TRPS1: variants seen among roughly 807,000 people sequenced by gnomAD.
TRPS1 encodes the protein transcriptional repressor GATA binding 1.
Under a neutral mutation model 101.2 loss-of-function variants are expected in TRPS1, and 6 were observed. That is an observed-to-expected ratio of 0.06 (90% CI 0.03 to 0.12). The LOEUF (loss-of-function observed/expected upper bound fraction) is 0.12. Among genes scored for constraint, TRPS1 ranks in the 10% least tolerant of loss-of-function variants. The probability of loss-of-function intolerance (pLI) is 1.00; values close to 1 mark genes in which losing one functional copy is unlikely to be tolerated. For missense variants in TRPS1, 1,363 were observed against 1,567.0 expected, an observed-to-expected ratio of 0.87 and a Z score of 2.20; for synonymous variants, 578 against 589.8, an observed-to-expected ratio of 0.98 and a Z score of 0.29.
intron 5 of TRPS1, among the ~76,000 whole-genome samples, chr8:115,522,696 T>C (rs1023942496): frequency 6.6e-6 from 1 of 152,130 alleles, no homozygotes; most frequent in African/African-American, 2.4e-5. Flanking sequence ...ATGTAAATTA[T>C]TTGCCACTAC....
rs372754711 is a variant in TRPS1, at chr8:115,604,535, G to A, written c.1434C>T (p.Gly478=). 6.1e-5 allele frequency: 99 copies of A among 1,613,906 alleles called. No individual in the cohort carries two copies. The highest frequency in any genetic ancestry group is 7.6e-5 in the Non-Finnish European group (90 of 1,179,994). ...YGKQHGAVQS[G]GLNPELNDKL... is the part of the protein sequence containing the mutation. ...TATCATTTAACTCTGGATTAAGGCCGCCTGACTGCACTGCTCCGTGCTGCT... is the reference window on the plus strand; with the variant it reads ...TATCATTTAACTCTGGATTAAGGCCACCTGACTGCACTGCTCCGTGCTGCT... The change falls in exon 4 of 7, where the codon GGC becomes GGT. Residue 478 remains glycine, a synonymous_variant. Transcript: ENST00000395715. This position sits in a 1 kb window ranked among gnomAD's most constrained non-coding sequence, Gnocchi z 4.1.
At chr8:115,459,684 G>A (rs1814117270) in intron 5 of TRPS1, among the ~76,000 whole-genome samples, 1 of 152,122 alleles carries the variant, frequency 6.6e-6, no homozygotes, top group East Asian at 1.9e-4. Context: ...GCTTAGGTGT[G>A]CAGAGTTCTC....
Position 115,427,770 on chromosome 8 carries a change from T to C in TRPS1, c.2701-9318A>G, listed in dbSNP as rs553202769. Among the ~76,000 whole-genome samples the C allele has an allele frequency of 6.9e-4, 98 of 141,882 alleles. No homozygotes were observed. The Middle Eastern group carries it at 0.015, about 22-fold the overall frequency. The allele number at this position is 141,882 out of a possible 152,430, so 93.1% of individuals were successfully genotyped here. A position where few individuals can be genotyped will look rare whatever the true frequency, so the allele number is the denominator to read the frequency against. On this transcript the variant is annotated intron_variant, in intron 5 of 6. Transcript: ENST00000395715. ...GAAATGAGTCATCCTTCATCAGATA[T>C]GGCAACGAGCTGTTTTGAGGTCGAC...
At chr8:115,645,706 A>G (rs1169374269) in intron 1 of TRPS1, among the ~76,000 whole-genome samples, 2 of 152,216 alleles carry the variant, frequency 1.3e-5, no homozygotes. Context: ...GTACTAATAC[A>G]AATATTTTTA....
intron 1 of TRPS1, among the ~76,000 whole-genome samples, chr8:115,624,016 C>T (rs1461444755): frequency 1.3e-5 from 2 of 151,938 alleles, no homozygotes; most frequent in African/African-American, 4.8e-5. Context: ...ATTATTTAAC[C>T]TCTAAAACCC....
chr8:115,445,785 A>C (rs1307218536), intron 5 of TRPS1, among the ~76,000 whole-genome samples: 1 of 152,210 alleles, frequency 6.6e-6, no homozygotes. Context: ...GCAACGAAAA[A>C]TTACTAAGGT....
Position 115,604,674 on chromosome 8 carries a change from G to T in TRPS1, c.1295C>A (p.Pro432His), listed in dbSNP as rs1279076470. 1 of 1,613,884 alleles carries T rather than the reference G, an allele frequency of 6.2e-7. No individual in the cohort carries two copies. The highest frequency in any genetic ancestry group is 1.1e-5 in the South Asian group (1 of 91,082). ...TPVGYSVPIK[P>H]LDSSRQNGTE... is the part of the protein sequence containing the mutation. ...ACCATTTTGTCTAGAGGAATCGAGG[G>T]GCTTTATGGGCACTGAGTACCCAAC... The change falls in exon 4 of 7, where the codon CCC becomes CAC. Residue 432 changes from proline (P) to histidine (H), a missense_variant. Transcript: ENST00000395715. The surrounding 1 kb of genome is among the most constrained non-coding windows in gnomAD (Gnocchi z 4.1).
chr8:115,544,294 T>A (rs941322115), intron 5 of TRPS1, among the ~76,000 whole-genome samples: 2 of 151,612 alleles, frequency 1.3e-5, no homozygotes, highest in Non-Finnish European at 2.9e-5. Context: ...ATAGTATCTA[T>A]CTCATAGCAT....
At chr8:115,590,604 G>C (rs1206676219) in intron 4 of TRPS1, among the ~76,000 whole-genome samples, 1 of 152,172 alleles carries the variant, frequency 6.6e-6, no homozygotes, top group African/African-American at 2.4e-5. Flanking sequence ...TCAAACGGTA[G>C]ACTCTCAGTT....
intron 1 of TRPS1, 58 bp downstream of exon 1, chr8:115,668,486 GC>G (rs978130306): frequency 6.9e-6 from 1 of 144,258 alleles, no homozygotes; most frequent in African/African-American, 2.5e-5. Flanking sequence ...GGGCGCCCGC[GC>G]CCCCCGCGCC....
At chr8:115,444,540 T>C (rs916430661) in intron 5 of TRPS1, among the ~76,000 whole-genome samples, 6 of 152,218 alleles carry the variant, frequency 3.9e-5, no homozygotes, top group African/African-American at 1.4e-4. Flanking sequence ...AGTTCTAACA[T>C]TTTCAAAGTA....
chr8:115,664,215 G>T (rs1811872206), intron 1 of TRPS1, among the ~76,000 whole-genome samples: 1 of 151,950 alleles, frequency 6.6e-6, no homozygotes, highest in Non-Finnish European at 1.5e-5. Context: ...TAATCCACTG[G>T]TTACAGCTTT....
intron 5 of TRPS1, among the ~76,000 whole-genome samples, chr8:115,572,246 AT>A (rs935266614): frequency 1.3e-5 from 2 of 151,912 alleles, no homozygotes; most frequent in Non-Finnish European, 2.9e-5. Context: ...GGCCTCACTC[AT>A]TTTTTTTAAC....
intron 5 of TRPS1, among the ~76,000 whole-genome samples, chr8:115,500,677 C>G (rs570560143): frequency 1.1e-4 from 16 of 152,282 alleles, no homozygotes; most frequent in Admixed American, 1.3e-4. Context: ...TCACGCCATT[C>G]TCTTGCCTCA....
intron 5 of TRPS1, among the ~76,000 whole-genome samples, chr8:115,577,269 A>C (rs1817340236): frequency 1.3e-5 from 2 of 152,108 alleles, no homozygotes; most frequent in Admixed American, 6.6e-5. Flanking sequence ...GTGTTTGTAC[A>C]TTTTTAGATT....
chr8:115,632,778 A>G (rs1818675892), intron 1 of TRPS1, among the ~76,000 whole-genome samples: 2 of 152,188 alleles, frequency 1.3e-5, no homozygotes, highest in Non-Finnish European at 2.9e-5. Context: ...AAAAACAAGT[A>G]GAACTATCTA....
chr8:115,556,644 T>C (rs1816827252), intron 5 of TRPS1, among the ~76,000 whole-genome samples: 1 of 152,180 alleles, frequency 6.6e-6, no homozygotes, highest in Non-Finnish European at 1.5e-5. Flanking sequence ...GGCCAAGTAG[T>C]GTATCCTACT....
chr8:115,644,934 T>C (rs1383970368), intron 1 of TRPS1, among the ~76,000 whole-genome samples: 1 of 152,126 alleles, frequency 6.6e-6, no homozygotes, highest in Admixed American at 6.5e-5. Flanking sequence ...AAGTTTGCCA[T>C]CTTACGTGGG....
chr8:115,534,024 C>T (rs533228422), intron 5 of TRPS1, among the ~76,000 whole-genome samples: 3 of 152,328 alleles, frequency 2.0e-5, no homozygotes, highest in South Asian at 4.1e-4. Context: ...TACCATCACA[C>T]TGGAGATTGA....
Sources: allele counts gnomAD v4.1 joint callset (sites outside exome capture counted in the v4.1 genomes callset), GRCh38; gene constraint gnomAD v4.1.1; non-coding constraint Gnocchi (gnomAD v3.1); transcripts MANE v1.5; gene names NCBI Gene and HGNC (gene_info 2026-07-23, HGNC 2026-07-21).